CYP2W1: variants seen among roughly 807,000 people sequenced by gnomAD.
The protein encoded by CYP2W1 is cytochrome P450 2W1.
In CYP2W1, 51 loss-of-function variants were observed where a neutral mutation model predicts 44.9. The ratio of observed to expected loss-of-function variants is 1.14; its 90% confidence interval spans 0.91 to 1.43. CYP2W1 has a LOEUF of 1.43. CYP2W1 is among the 40% of genes most tolerant of loss of function. CYP2W1 has a pLI of 0.00. For missense variants in CYP2W1, 746 were observed against 700.0 expected (o/e 1.07, Z -0.74); for synonymous variants, 383 against 338.3 (o/e 1.13, Z -1.45).
Position 984,411 on chromosome 7 carries a change from G to T in CYP2W1, c.175-1G>T. ...CGGGTGACCCCCGCCATCCCTGCCA[G>T]CTCTCAGAACGCTACGGGCCGGTGT... On this transcript the variant is annotated splice_acceptor_variant, in intron 1 of 8. Transcript: ENST00000308919. LOFTEE classifies it high-confidence loss of function. 1 of 1,547,112 alleles carries T rather than the reference G, an allele frequency of 6.5e-7. No individual in the cohort carries two copies.
At chr7:986,122 G>C (rs551703327) in intron 4 of CYP2W1, among the ~76,000 whole-genome samples, 1 of 152,162 alleles carries the variant, frequency 6.6e-6, no homozygotes, top group Non-Finnish European at 1.5e-5. Context: ...TTACCACAGA[G>C]ACGCCGCGTG....
Position 983,257 on chromosome 7 carries a change from G to C in CYP2W1, c.46G>C (p.Gly16Arg). 6.5e-7 allele frequency: 1 copy of C among 1,540,668 alleles called. No individual in the cohort carries two copies. The highest frequency in any genetic ancestry group is 8.8e-7 in the Non-Finnish European group (1 of 1,141,898). Residue 16 changes from glycine (G) to arginine (R), a missense_variant, in exon 1 of 9, where the codon GGG becomes CGG. Physicochemically the swap from Gly to Arg is moderately radical, Grantham distance 125. Transcript: ENST00000308919. Reference protein sequence around the residue: ...LLFLGLLGLWGLLCACAQDPS... With the variant: ...LLFLGLLGLWRLLCACAQDPS... ...GTTCCTGGGCCTCCTGGGGCTCTGG[G>C]GGCTGCTCTGCGCCTGCGCCCAAGA...
intron 5 of CYP2W1, 133 bp downstream of exon 5, chr7:986,930 G>C: frequency 7.6e-7 from 1 of 1,321,624 alleles, no homozygotes; most frequent in Non-Finnish European, 1.0e-6. Context: ...GCCTCTCAGA[G>C]CCTCAGTCTC....
intron 7 of CYP2W1, among the ~76,000 whole-genome samples, chr7:987,961 T>A (rs1583241097): frequency 8.3e-6 from 1 of 120,828 alleles, no homozygotes; most frequent in Non-Finnish European, 1.6e-5. Flanking sequence ...GTCCTGGGGG[T>A]CCCCTCTGTG....
At position 987,147 on chromosome 7, in the gene CYP2W1, T is replaced by C; in HGVS notation, c.860T>C (p.Val287Ala). Residue 287 changes from valine (V) to alanine (A), a missense_variant, in exon 6 of 9, where the codon GTG (valine) becomes GCG (alanine). By Grantham distance (64) the Val-to-Ala change is moderately conservative. Transcript: ENST00000308919. ...GGCCTGTTTGCTGAGGCCAACGCGGTGGCCTGCACCCTGGACATGGTCATG... is the reference window on the plus strand; with the variant it reads ...GGCCTGTTTGCTGAGGCCAACGCGGCGGCCTGCACCCTGGACATGGTCATG... ...PEGLFAEANA[V>A]ACTLDMVMAG... is the part of the protein sequence containing the mutation. 6.4e-7 allele frequency: 1 copy of C among 1,573,338 alleles called. No homozygotes were observed. The highest frequency in any genetic ancestry group is 1.2e-5 in the South Asian group (1 of 86,292).
intron 4 of CYP2W1, chr7:986,274 C>T (rs1167529235): frequency 3.9e-6 from 1 of 256,140 alleles, no homozygotes; most frequent in Non-Finnish European, 7.5e-6. Context: ...TCAGTGGCGG[C>T]CCTGACTCTC....
In CYP2W1 at chr7:988,556, T is replaced by G. The variant is rs1348745759; in HGVS notation, c.1286-79T>G. The G allele has an allele frequency of 1.9e-6, 3 of 1,595,368 alleles. No individual in the cohort carries two copies. In the Admixed American group the frequency reaches 5.1e-5, roughly 27 times the overall value. On this transcript the variant is annotated intron_variant, in intron 8 of 8. Transcript: ENST00000308919. ...GCGGCTGTGGTGGCTGCTCCTGTGC[T>G]CCCCTGGGGAGGTCCCCACCCCTCC...
rs774378727 is a variant in CYP2W1 at position 984,973 on chromosome 7, C to G, written c.361C>G (p.Arg121Gly). ...AGGCATCTTCTTCTCATCTGGGGCG[C>G]GCTGGAGGGCTGCCCGCCAGTTCAC... is the stretch of plus-strand genomic sequence containing the variant. Reference protein sequence around the residue: ...GGGIFFSSGARWRAARQFTVR... With the variant: ...GGGIFFSSGAGWRAARQFTVR... Residue 121 changes from arginine (R) to glycine (G), a missense_variant, in exon 3 of 9, where the codon CGC becomes GGC. By Grantham distance (125) the Arg-to-Gly change is moderately radical. Coordinates refer to ENST00000308919, the MANE Select transcript of CYP2W1 (RefSeq NM_017781.3). 6.2e-7 allele frequency: 1 copy of G among 1,606,368 alleles called. No individual in the cohort carries two copies. Among genetic ancestry groups the G allele is most frequent in the South Asian group, 1.1e-5 (1 of 90,934 alleles).
Position 987,162 on chromosome 7 carries a change from A to C in CYP2W1, c.875A>C (p.Asp292Ala). 6.3e-7 allele frequency: 1 copy of C among 1,576,096 alleles called. No individual in the cohort carries two copies. The highest frequency in any genetic ancestry group is 8.6e-7 in the Non-Finnish European group (1 of 1,161,646). Residue 292 changes from aspartate (D) to alanine (A), a missense_variant, in exon 6 of 9, where the codon GAC becomes GCC. Asp to Ala is a moderately radical substitution (Grantham distance 126, BLOSUM62 -2). Coordinates refer to ENST00000308919, the MANE Select transcript of CYP2W1 (RefSeq NM_017781.3). ...AEANAVACTL[D>A]MVMAGTETTS... is the part of the protein sequence containing the mutation. ...GCCAACGCGGTGGCCTGCACCCTGG[A>C]CATGGTCATGGCCGGGACGGAGACG...
At chr7:987,639 C>G (rs1272039011) in intron 7 of CYP2W1, 108 bp downstream of exon 7, 2 of 1,112,750 alleles carry the variant, frequency 1.8e-6, no homozygotes, top group Admixed American at 2.9e-5. Context: ...GATGGCCCAG[C>G]GCTCCCCGAC....
chr7:988,257 T>C lies in CYP2W1; in HGVS notation c.1144-20T>C, dbSNP rs1286998201. On this transcript the variant is annotated intron_variant, in intron 7 of 8. Coordinates refer to ENST00000308919, the MANE Select transcript of CYP2W1 (RefSeq NM_017781.3). The stretch of plus-strand genomic sequence containing the variant: ...ATCTTCCCCGGGGCCCCTCTCTCTG[T>C]GCCCCGGCTGCCCCCACAGGGCACG... 3.2e-6 allele frequency: 5 copies of C among 1,560,648 alleles called. No homozygotes were observed. In the Admixed American group the frequency reaches 9.1e-5, roughly 28 times the overall value.
chr7:987,271 G>A (rs950953455), intron 6 of CYP2W1, 26 bp downstream of exon 6: 15 of 1,504,970 alleles, frequency 1.0e-5, no homozygotes, highest in Admixed American at 8.3e-5. Flanking sequence ...CTGGCGAGAC[G>A]GCTCCTTCTG....
chr7:985,128 C>T (rs746108600), intron 3 of CYP2W1, 29 bp downstream of exon 3: 1 of 1,605,660 alleles, frequency 6.2e-7, no homozygotes, highest in East Asian at 2.2e-5. Flanking sequence ...ACGCCCCTCC[C>T]CGGGCCTGGA....
Position 989,322 on chromosome 7 carries a change from T to C in CYP2W1, c.*500T>C. ...CAGCTGTGCCTGGAGGCAGTCGGCCTGCAGTGCCAGACTCTGAGCCAAGCC... is the reference window on the plus strand; with the variant it reads ...CAGCTGTGCCTGGAGGCAGTCGGCCCGCAGTGCCAGACTCTGAGCCAAGCC... On this transcript the variant is annotated 3_prime_UTR_variant, in exon 9 of 9. Transcript: ENST00000308919. The C allele has an allele frequency of 6.2e-6, 1 of 161,700 alleles. No individual in the cohort carries two copies. Among genetic ancestry groups the C allele is most frequent in the Non-Finnish European group, 1.4e-5 (1 of 74,026 alleles). The allele number at this position is 161,700 out of a possible 1,614,324, so 10.0% of individuals were successfully genotyped here. A position where few individuals can be genotyped will look rare whatever the true frequency, so the allele number is the denominator to read the frequency against.
At chr7:987,707 C>T (rs1024760092) in intron 7 of CYP2W1, among the ~76,000 whole-genome samples, 176 bp downstream of exon 7, 3 of 152,214 alleles carry the variant, frequency 2.0e-5, no homozygotes, top group Non-Finnish European at 4.4e-5. Context: ...TCTCACCCCA[C>T]AGCCCAGCAC....
intron 1 of CYP2W1, 86 bp downstream of exon 1, chr7:983,471 C>T (rs1308856277): frequency 7.8e-7 from 1 of 1,286,492 alleles, no homozygotes; most frequent in Non-Finnish European, 1.0e-6. Flanking sequence ...GCCCGGTTTC[C>T]ACTGCCTGTT....
chr7:983,488 T>A, intron 1 of CYP2W1, 103 bp downstream of exon 1: 1 of 1,215,740 alleles, frequency 8.2e-7, no homozygotes. Context: ...TGTTCCCACA[T>A]GGTGCCGGGC....
At chr7:984,289 C>T in intron 1 of CYP2W1, 123 bp from the exon 2 acceptor site, 2 of 1,315,480 alleles carry the variant, frequency 1.5e-6, no homozygotes, top group South Asian at 3.0e-5. Context: ...TAGGCGTGCC[C>T]CCTCCACCTG....
chr7:988,916 C>A lies in CYP2W1; in HGVS notation c.*94C>A, dbSNP rs2128125599. 1 of 806,500 alleles carries A rather than the reference C, an allele frequency of 1.2e-6. No homozygotes were observed. Among genetic ancestry groups the A allele is most frequent in the Non-Finnish European group, 1.9e-6 (1 of 522,430 alleles). 50.0% of individuals were successfully genotyped at this position (806,500 alleles called of 1,614,324 possible). ...CTCCCACCCCACAGCTCGGACTGCT[C>A]TGGGAGGGCCCTGAGGACTCCCACC... is the stretch of plus-strand genomic sequence containing the variant. On this transcript the variant is annotated 3_prime_UTR_variant, in exon 9 of 9. Coordinates refer to ENST00000308919, the MANE Select transcript of CYP2W1 (RefSeq NM_017781.3).
Sources: allele counts gnomAD v4.1 joint callset (sites outside exome capture counted in the v4.1 genomes callset), GRCh38; gene constraint gnomAD v4.1.1; transcripts MANE v1.5; gene names NCBI Gene and HGNC (gene_info 2026-07-23, HGNC 2026-07-21).